The following MAD1L1 variants were observed in gnomAD, a reference collection of about 807,000 sequenced individuals.
The protein encoded by MAD1L1 is mitotic arrest deficient 1 like 1.
In MAD1L1, 95 loss-of-function variants were observed where a neutral mutation model predicts 96.9. The observed-to-expected ratio is 0.98, with a 90% CI of 0.83 to 1.16. The LOEUF (loss-of-function observed/expected upper bound fraction) is 1.16, where lower values mean the gene tolerates loss of function less well. MAD1L1 is among the 50% of genes most tolerant of loss of function. The pLI, the probability that MAD1L1 is intolerant of heterozygous loss-of-function variation, is 0.00. For synonymous variants in MAD1L1, 473 were observed against 396.6 expected (o/e 1.19, Z -2.29); for missense variants, 1,007 against 954.4 (o/e 1.06, Z -0.73).
At chr7:2,203,803 C>T (rs1315476749) in intron 10 of MAD1L1, among the ~76,000 whole-genome samples, 1 of 152,216 alleles carries the variant, frequency 6.6e-6, no homozygotes, top group African/African-American at 2.4e-5. Context: ...ACACAGGAAA[C>T]TCATCAGGCA....
intron 17 of MAD1L1, among the ~76,000 whole-genome samples, chr7:1,920,105 G>C (rs1387496514): frequency 6.6e-5 from 10 of 152,210 alleles, no homozygotes; most frequent in Admixed American, 5.9e-4. Context: ...AGCCGGGGCT[G>C]TGTGGGCCCA....
At chr7:1,893,444 A>C (rs1786673471) in intron 18 of MAD1L1, among the ~76,000 whole-genome samples, 1 of 152,180 alleles carries the variant, frequency 6.6e-6, no homozygotes, top group African/African-American at 2.4e-5. Context: ...TTTGGGGGAA[A>C]ATCTGATAAA....
At chr7:2,160,329 A>ATTTT (rs58004689) in intron 10 of MAD1L1, among the ~76,000 whole-genome samples, 1 of 109,718 alleles carries the variant, frequency 9.1e-6, no homozygotes, top group Non-Finnish European at 1.8e-5. Context: ...ACTGGATCCT[A>ATTTT]TTTTTTTTTT....
At chr7:1,909,561 GA>G (rs1787882663) in intron 17 of MAD1L1, among the ~76,000 whole-genome samples, 1 of 152,130 alleles carries the variant, frequency 6.6e-6, no homozygotes, top group South Asian at 2.1e-4. Context: ...GGCTGGCCGG[GA>G]CCCCCCGGGA....
chr7:2,232,608 G>A lies in MAD1L1; in HGVS notation c.-190+264C>T, dbSNP rs1252274289. 2.6e-5 allele frequency among the ~76,000 whole-genome samples: 4 copies of A among 152,214 alleles called. No individual in the cohort carries two copies. In the East Asian group the frequency reaches 7.7e-4, roughly 29 times the overall value. Reference sequence around the variant, plus strand: ...CGCCCTGGCACAAGGGACGGCTGCGGAGACCCAGGCGAGGGGCCCGCTGTC... The same window carrying A: ...CGCCCTGGCACAAGGGACGGCTGCGAAGACCCAGGCGAGGGGCCCGCTGTC... On this transcript the variant is annotated intron_variant, in intron 1 of 18. Transcript: ENST00000265854.
At chr7:2,120,658 C>T (rs1787933046) in intron 11 of MAD1L1, among the ~76,000 whole-genome samples, 1 of 152,256 alleles carries the variant, frequency 6.6e-6, no homozygotes, top group Non-Finnish European at 1.5e-5. Flanking sequence ...TCCCCAACAA[C>T]ACAAAACCAA....
At chr7:1,856,608 T>C (rs780815771) in intron 18 of MAD1L1, among the ~76,000 whole-genome samples, 15 of 152,124 alleles carry the variant, frequency 9.9e-5, no homozygotes, top group Non-Finnish European at 1.8e-4. Context: ...AGAGATAAGA[T>C]TCATTAATAA....
chr7:1,881,971 C>G (rs1042946869), intron 18 of MAD1L1, among the ~76,000 whole-genome samples: 4 of 152,194 alleles, frequency 2.6e-5, no homozygotes, highest in Admixed American at 2.6e-4. Flanking sequence ...CACAGGCTTG[C>G]CCGTGTCCTT....
chr7:1,966,828 G>A (rs1054907570), intron 15 of MAD1L1, among the ~76,000 whole-genome samples: 1 of 152,248 alleles, frequency 6.6e-6, no homozygotes, highest in Admixed American at 6.5e-5. Context: ...GAGGGCCGCG[G>A]GCCGCGCTGC....
At chr7:1,896,685 C>T (rs1032101018) in intron 18 of MAD1L1, among the ~76,000 whole-genome samples, 2 of 152,182 alleles carry the variant, frequency 1.3e-5, no homozygotes, top group African/African-American at 2.4e-5. Flanking sequence ...TTTGGATTTT[C>T]GACACTCTCA....
intron 16 of MAD1L1, among the ~76,000 whole-genome samples, chr7:1,945,128 G>A (rs562455728): frequency 2.0e-5 from 3 of 152,300 alleles, no homozygotes; most frequent in Middle Eastern, 3.4e-3. Flanking sequence ...GAAGCAGCAC[G>A]GTGCCTCGGC....
At chr7:2,096,658 G>A (rs959394886) in intron 11 of MAD1L1, among the ~76,000 whole-genome samples, 1 of 152,162 alleles carries the variant, frequency 6.6e-6, no homozygotes, top group Non-Finnish European at 1.5e-5. Flanking sequence ...CAGAGGACAG[G>A]AGGAACGAGG....
At chr7:1,855,345 G>A (rs1772714470) in intron 18 of MAD1L1, among the ~76,000 whole-genome samples, 2 of 152,026 alleles carry the variant, frequency 1.3e-5, no homozygotes, top group Non-Finnish European at 2.9e-5. Context: ...AGCGATGACA[G>A]CGACAAGCTG....
intron 18 of MAD1L1, among the ~76,000 whole-genome samples, chr7:1,897,079 G>A (rs1033952309): frequency 2.6e-5 from 4 of 152,238 alleles, no homozygotes; most frequent in Non-Finnish European, 2.9e-5. Context: ...CACAAGGAAC[G>A]CAGAGCAAGC....
chr7:1,853,064 G>A (rs189786466), intron 18 of MAD1L1, among the ~76,000 whole-genome samples: 4 of 152,298 alleles, frequency 2.6e-5, no homozygotes, highest in Non-Finnish European at 2.9e-5. Context: ...AGCTGATAAC[G>A]ACATGCACCA....
chr7:1,818,667 C>T lies in MAD1L1; in HGVS notation c.1999-2439G>A, dbSNP rs1036316935. On this transcript the variant is annotated intron_variant, in intron 18 of 18. Coordinates refer to ENST00000265854, the MANE Select transcript of MAD1L1 (RefSeq NM_001013836.2). ...GTGATCCTCCTGCCTCAGCTGCCCA[C>T]GACGTGAGGATTACAGGCGTGAGCT... Among the ~76,000 whole-genome samples the T allele has an allele frequency of 3.9e-5, 6 of 152,188 alleles. No individual in the cohort carries two copies. The East Asian group carries it at 7.7e-4, about 20-fold the overall frequency.
intron 10 of MAD1L1, among the ~76,000 whole-genome samples, chr7:2,164,471 G>A (rs1562745366): frequency 6.6e-6 from 1 of 151,758 alleles, no homozygotes; most frequent in South Asian, 2.1e-4. Context: ...TGGTGCCCAC[G>A]CCCATCGCCC....
chr7:2,193,911 G>A (rs946739213), intron 10 of MAD1L1, among the ~76,000 whole-genome samples: 2 of 147,816 alleles, frequency 1.4e-5, no homozygotes, highest in African/African-American at 2.5e-5. Flanking sequence ...AAGCTGCAGG[G>A]AAAAGGCAGC....
Position 2,225,470 on chromosome 7 carries a change from ACT to A in MAD1L1, c.229_230del (p.His78GlnfsTer21), listed in dbSNP as rs1793840979. On this transcript the variant is annotated frameshift_variant, in exon 4 of 19. Coordinates refer to ENST00000265854, the MANE Select transcript of MAD1L1 (RefSeq NM_001013836.2). LOFTEE classifies it high-confidence loss of function. ...VEREKMQMEL[S>X]HKRARVELER... ...CCAGCTCCACTCGAGCCCTCTTGTG[ACT>A]CAGCTCCATCTGCATTTTCTCCCGC... 1 of 1,613,926 alleles carries A rather than the reference ACT, an allele frequency of 6.2e-7. No individual in the cohort carries two copies. The highest frequency in any genetic ancestry group is 1.3e-5 in the African/African-American group (1 of 74,882).
Sources: gnomAD v4.1 joint callset for allele counts (sites outside exome capture counted in the v4.1 genomes callset) on GRCh38, gnomAD v4.1.1 for gene constraint, MANE v1.5 for transcripts, NCBI Gene and HGNC (gene_info 2026-07-23, HGNC 2026-07-21) for gene names.